The following CLEC16A variants were observed in gnomAD, a reference collection of about 807,000 sequenced individuals.
The protein encoded by CLEC16A is protein CLEC16A.
A neutral mutation model predicts 109.5 loss-of-function variants in CLEC16A; 51 were observed. That is an observed-to-expected ratio of 0.47 (90% confidence interval 0.37 to 0.59). The LOEUF (loss-of-function observed/expected upper bound fraction) is 0.59, where lower values mean the gene tolerates loss of function less well. CLEC16A is among the 20% of genes least tolerant of loss of function. The pLI is 0.00. For synonymous variants in CLEC16A, 673 were observed against 564.2 expected (o/e 1.19, Z -2.73); for missense variants, 1,339 against 1,394.0 (o/e 0.96, Z 0.63).
At chr16:11,073,722 C>T (rs1000044194) in intron 19 of CLEC16A, among the ~76,000 whole-genome samples, 1 of 152,230 alleles carries the variant, frequency 6.6e-6, no homozygotes, top group African/African-American at 2.4e-5. Flanking sequence ...CCTCCTGCTC[C>T]ACGTGCCTTG....
At chr16:11,020,458 C>T in intron 12 of CLEC16A, 133 bp downstream of exon 12, 1 of 1,180,896 alleles carries the variant, frequency 8.5e-7, no homozygotes, top group Non-Finnish European at 1.1e-6. Flanking sequence ...TCTTTCCCTG[C>T]TTCTCCAGCT....
At chr16:11,119,805 T>C (rs542685747) in intron 19 of CLEC16A, among the ~76,000 whole-genome samples, 1 of 152,318 alleles carries the variant, frequency 6.6e-6, no homozygotes, top group African/African-American at 2.4e-5. Context: ...GGTATTTTGA[T>C]AGGAATTGCA....
chr16:10,959,306 T>C (rs571559010), intron 2 of CLEC16A, among the ~76,000 whole-genome samples: 2 of 152,296 alleles, frequency 1.3e-5, no homozygotes, highest in South Asian at 4.1e-4. Flanking sequence ...CTGTAAACAG[T>C]GGCTATGATC....
chr16:11,165,876 C>A (rs560750539), intron 22 of CLEC16A, among the ~76,000 whole-genome samples: 2 of 152,332 alleles, frequency 1.3e-5, no homozygotes, highest in East Asian at 3.9e-4. Context: ...CCTAGAACCT[C>A]AAGGGCAGAG....
intron 17 of CLEC16A, among the ~76,000 whole-genome samples, chr16:11,049,694 C>T (rs1300159790): frequency 6.6e-6 from 1 of 152,226 alleles, no homozygotes; most frequent in Non-Finnish European, 1.5e-5. Flanking sequence ...GACTTGTGAC[C>T]TTTCCTTCAT....
At chr16:11,154,664 T>C (rs905292245) in intron 22 of CLEC16A, among the ~76,000 whole-genome samples, 4 of 152,154 alleles carry the variant, frequency 2.6e-5, no homozygotes, top group African/African-American at 9.7e-5. Flanking sequence ...GGGGCTCACA[T>C]CTGTAATCCC....
At chr16:11,141,266 A>G (rs12919732) in intron 22 of CLEC16A, among the ~76,000 whole-genome samples, 28,740 of 152,250 alleles carry the variant, frequency 0.19, 3,445 homozygotes, top group South Asian at 0.28. Flanking sequence ...TGGAGCCACC[A>G]TGGAAGTCAC....
intron 22 of CLEC16A, among the ~76,000 whole-genome samples, chr16:11,127,495 G>A (rs1451576002): frequency 6.6e-6 from 1 of 152,216 alleles, no homozygotes; most frequent in South Asian, 2.1e-4. Flanking sequence ...CTTGATATAT[G>A]TAGTCCCAAC....
Position 11,075,396 on chromosome 16 carries a change from G to C in CLEC16A, c.2116+14374G>C, listed in dbSNP as rs190637206. Among the ~76,000 whole-genome samples, 681 of 133,374 alleles carry C rather than the reference G, an allele frequency of 5.1e-3. 4 individuals are homozygous for C. Among genetic ancestry groups the C allele is most frequent in the Middle Eastern group, 0.015 (4 of 266 alleles). The allele number at this position is 133,374 out of a possible 152,430, so 87.5% of individuals were successfully genotyped here. A position where few individuals can be genotyped will look rare whatever the true frequency, so the allele number is the denominator to read the frequency against. On this transcript the variant is annotated intron_variant, in intron 19 of 23. Transcript: ENST00000409790. ...GATATGTCTGTGTGTGTGTGTGTGT[G>C]TGTGTGTGTGTGTGTCTGTGTGTGT...
chr16:11,158,389 A>C (rs1410427944), intron 22 of CLEC16A, among the ~76,000 whole-genome samples: 1 of 152,140 alleles, frequency 6.6e-6, no homozygotes, highest in African/African-American at 2.4e-5. Flanking sequence ...CGGGTTTTAT[A>C]TTATGCTTTG....
intron 23 of CLEC16A, among the ~76,000 whole-genome samples, chr16:11,171,408 ACTGTG>A (rs1294548168): frequency 6.6e-6 from 1 of 152,218 alleles, no homozygotes; most frequent in African/African-American, 2.4e-5. Flanking sequence ...GACCCGAGCA[ACTGTG>A]CCCCAGGGCA....
At position 11,178,242 on chromosome 16, in the gene CLEC16A, C is replaced by A. The variant is rs2068836423; in HGVS notation, c.2807-93C>A. On this transcript the variant is annotated intron_variant, in intron 23 of 23. Transcript: ENST00000409790. The surrounding 1 kb of genome is among the most constrained non-coding windows in gnomAD (Gnocchi z 6.5). ...AGCCAGCCACCTCCCACCTAGCTCA[C>A]CAGGGCCGCGGTTCAGGATGGGAGC... 8.5e-7 allele frequency: 1 copy of A among 1,174,802 alleles called. No individual in the cohort carries two copies. The highest frequency in any genetic ancestry group is 1.2e-6 in the Non-Finnish European group (1 of 815,930). 72.8% of individuals were successfully genotyped at this position (1,174,802 alleles called of 1,614,324 possible). A position where few individuals can be genotyped will look rare whatever the true frequency, so the allele number is the denominator to read the frequency against.
intron 10 of CLEC16A, among the ~76,000 whole-genome samples, chr16:10,985,797 A>T (rs2043609114): frequency 6.6e-6 from 1 of 151,816 alleles, no homozygotes; most frequent in Non-Finnish European, 1.5e-5. Context: ...GGCTCACTGC[A>T]GCCTCTGCCT....
rs943667964 is a variant in CLEC16A, at chr16:11,181,279, G to C, written c.*2589G>C. Reference sequence around the variant, plus strand: ...AGACAGGCCAGTCCAGACAGGACACGCTGGGCCCCTGGCATCCAGAGGAAG... The same window carrying C: ...AGACAGGCCAGTCCAGACAGGACACCCTGGGCCCCTGGCATCCAGAGGAAG... On this transcript the variant is annotated 3_prime_UTR_variant, in exon 24 of 24. Coordinates refer to ENST00000409790, the MANE Select transcript of CLEC16A (RefSeq NM_015226.3). The C allele has an allele frequency of 6.6e-6, 1 of 152,258 alleles. No homozygotes were observed. The highest frequency in any genetic ancestry group is 2.4e-5 in the African/African-American group (1 of 41,430). The allele number at this position is 152,258 out of a possible 1,614,324, so 9.4% of individuals were successfully genotyped here.
intron 10 of CLEC16A, among the ~76,000 whole-genome samples, chr16:10,989,741 C>T (rs2043887594): frequency 6.6e-6 from 1 of 152,112 alleles, no homozygotes; most frequent in Admixed American, 6.6e-5. Flanking sequence ...GACTCTCTGC[C>T]CAGCCGGATA....
Position 11,178,290 on chromosome 16 carries a change from G to A in CLEC16A, c.2807-45G>A. On this transcript the variant is annotated intron_variant, in intron 23 of 23. Transcript: ENST00000409790. This position sits in a 1 kb window ranked among gnomAD's most constrained non-coding sequence, Gnocchi z 6.5. ...AGCACAGGGCGCAGTGCGACGGGGT[G>A]TCTCAAGGGCTCAGTGTGTTTCCGG... The A allele has an allele frequency of 2.0e-6, 3 of 1,530,744 alleles. No individual in the cohort carries two copies. Among genetic ancestry groups the A allele is most frequent in the Non-Finnish European group, 2.7e-6 (3 of 1,119,062 alleles). 94.8% of individuals were successfully genotyped at this position (1,530,744 alleles called of 1,614,324 possible). A position where few individuals can be genotyped will look rare whatever the true frequency, so the allele number is the denominator to read the frequency against.
chr16:11,156,929 A>ACCCCCCC (rs2153085006), intron 22 of CLEC16A: 4 of 57,364 alleles, frequency 7.0e-5, no homozygotes, highest in South Asian at 2.3e-4. Context: ...CCCCCCCCCC[A>ACCCCCCC]CCCACCCCCT....
At chr16:11,152,051 G>A (rs1045554741) in intron 22 of CLEC16A, among the ~76,000 whole-genome samples, 1 of 152,166 alleles carries the variant, frequency 6.6e-6, no homozygotes, top group Non-Finnish European at 1.5e-5. Flanking sequence ...GAGTACTGCC[G>A]GCTAGGAACC....
chr16:11,145,142 C>T (rs2053999050), intron 22 of CLEC16A, among the ~76,000 whole-genome samples: 1 of 152,106 alleles, frequency 6.6e-6, no homozygotes, highest in Admixed American at 6.5e-5. Flanking sequence ...GCCCCTGCTC[C>T]CGATTACCTG....
Sources: gnomAD v4.1 joint callset for allele counts (sites outside exome capture counted in the v4.1 genomes callset) on GRCh38, gnomAD v4.1.1 for gene constraint, Gnocchi (gnomAD v3.1) non-coding constraint, MANE v1.5 for transcripts, NCBI Gene and HGNC (gene_info 2026-07-23, HGNC 2026-07-21) for gene names.